Variants in THEMIS observed in about 807,000 individuals in gnomAD.
THEMIS encodes thymocyte selection associated.
THEMIS carries 37 observed loss-of-function variants against 52.6 expected under a neutral mutation model. The ratio of observed to expected loss-of-function variants is 0.70; its 90% CI spans 0.54 to 0.93. The LOEUF (loss-of-function observed/expected upper bound fraction) is 0.93. THEMIS is among the 40% of genes least tolerant of loss of function. The pLI, the probability that THEMIS is intolerant of heterozygous loss-of-function variation, is 0.00. For missense variants in THEMIS, 808 were observed against 763.1 expected, an observed-to-expected ratio of 1.06 and a Z score of -0.69; for synonymous variants, 292 against 272.7, an observed-to-expected ratio of 1.07 and a Z score of -0.70.
At position 127,740,207 on chromosome 6, in the gene THEMIS, G is replaced by A. The variant is rs559333123; in HGVS notation, c.1759-20384C>T. On this transcript the variant is annotated intron_variant, in intron 4 of 5. Transcript: ENST00000368248. ...TGCTTTGTAGGTCTTTTCTGGGCAG[G>A]TGGGAACAAAGGACATTTAAAATCA... 1.4e-4 allele frequency among the ~76,000 whole-genome samples: 21 copies of A among 152,172 alleles called. No homozygotes were observed. In the South Asian group the frequency reaches 4.4e-3, roughly 32 times the overall value.
chr6:127,731,533 T>A (rs908365012), intron 4 of THEMIS, among the ~76,000 whole-genome samples: 3 of 151,632 alleles, frequency 2.0e-5, no homozygotes, highest in African/African-American at 7.3e-5. Flanking sequence ...TGTATTAGCA[T>A]ATTGAAATCT....
At chr6:127,826,195 A>C (rs530199443) in intron 3 of THEMIS, among the ~76,000 whole-genome samples, 1 of 152,298 alleles carries the variant, frequency 6.6e-6, no homozygotes, top group African/African-American at 2.4e-5. Context: ...AGAAGAGCAG[A>C]ATATGAGGAA....
chr6:127,726,200 A>C (rs940875159), intron 4 of THEMIS, among the ~76,000 whole-genome samples: 1 of 152,144 alleles, frequency 6.6e-6, no homozygotes, highest in Non-Finnish European at 1.5e-5. Flanking sequence ...GTACCTCCAG[A>C]AAGTCAGACA....
At chr6:127,704,340 G>C (rs1459351177), downstream of THEMIS, among the ~76,000 whole-genome samples, 1 of 152,138 alleles carries the variant, frequency 6.6e-6, no homozygotes, top group Non-Finnish European at 1.5e-5. Flanking sequence ...GGTCAAGTCT[G>C]TGGTTACAGC....
Position 127,813,827 on chromosome 6 carries a change from C to T in THEMIS, c.814G>A (p.Asp272Asn), listed in dbSNP as rs757756359. 5 of 1,613,740 alleles carry T rather than the reference C, an allele frequency of 3.1e-6. No individual in the cohort carries two copies. In the East Asian group the frequency reaches 1.1e-4, roughly 36 times the overall value. Residue 272 changes from aspartate to asparagine, a missense_variant, in exon 4 of 6, where the codon GAT becomes AAT. Coordinates refer to ENST00000368248, the MANE Select transcript of THEMIS (RefSeq NM_001010923.3). ...NWFLQLLSTE[D>N]LFEMTSKEFP... ...TCTTTACTAGTCATTTCAAAAAGAT[C>T]TTCTGTTGATAACAGCTGAAGAAAC...
chr6:127,904,069 G>A (rs1178986984), upstream of THEMIS, among the ~76,000 whole-genome samples: 1 of 152,010 alleles, frequency 6.6e-6, no homozygotes, highest in Non-Finnish European at 1.5e-5. Context: ...AGTCTGAGAA[G>A]GCAAAAACTG....
intron 4 of THEMIS, among the ~76,000 whole-genome samples, chr6:127,727,404 A>C (rs1429620301): frequency 6.6e-6 from 1 of 152,176 alleles, no homozygotes; most frequent in Non-Finnish European, 1.5e-5. Context: ...TTAGTTTTGA[A>C]TTAGTGGACA....
At chr6:127,876,930 C>T (rs1347345837) in intron 1 of THEMIS, among the ~76,000 whole-genome samples, 1 of 152,042 alleles carries the variant, frequency 6.6e-6, no homozygotes, top group African/African-American at 2.4e-5. Flanking sequence ...TGGTTCTAGA[C>T]CACTGCAATA....
At chr6:127,893,334 T>C (rs1180275999) in intron 1 of THEMIS, among the ~76,000 whole-genome samples, 1 of 152,172 alleles carries the variant, frequency 6.6e-6, no homozygotes, top group Non-Finnish European at 1.5e-5. Flanking sequence ...ATAATAATAG[T>C]TATGATTTAC....
chr6:127,825,794 T>C (rs957369209), intron 3 of THEMIS, among the ~76,000 whole-genome samples: 4 of 151,888 alleles, frequency 2.6e-5, no homozygotes, highest in African/African-American at 9.7e-5. Context: ...GTTTGGGTTC[T>C]TTGAAAAATT....
At chr6:127,772,635 A>G (rs140438243) in intron 4 of THEMIS, among the ~76,000 whole-genome samples, 1 of 152,126 alleles carries the variant, frequency 6.6e-6, no homozygotes, top group South Asian at 2.1e-4. Context: ...AAGCACTCAC[A>G]TATCTTCTTG....
intron 4 of THEMIS, among the ~76,000 whole-genome samples, chr6:127,757,869 T>A (rs1035743069): frequency 2.6e-5 from 4 of 152,098 alleles, no homozygotes; most frequent in Admixed American, 2.6e-4. Context: ...AGGAATTACC[T>A]GGTAGAGAGC....
intron 4 of THEMIS, among the ~76,000 whole-genome samples, chr6:127,805,788 T>C (rs1026119883): frequency 3.3e-5 from 5 of 152,154 alleles, no homozygotes; most frequent in Admixed American, 3.3e-4. Context: ...GTAGCAAAAC[T>C]TATTTGCTCA....
intron 4 of THEMIS, among the ~76,000 whole-genome samples, chr6:127,770,503 C>A (rs572140437): frequency 1.6e-3 from 237 of 152,114 alleles, no homozygotes; most frequent in African/African-American, 5.3e-3. Context: ...TGTTTAAGTT[C>A]TTTGTAGATT....
rs572301229 is a variant in THEMIS, at chr6:127,773,055, C to T, written c.1758+39828G>A. Among the ~76,000 whole-genome samples, 94 of 152,238 alleles carry T rather than the reference C, an allele frequency of 6.2e-4. 1 individual carries two copies. The highest frequency in any genetic ancestry group is 2.0e-3 in the African/African-American group (85 of 41,556). On this transcript the variant is annotated intron_variant, in intron 4 of 5. Transcript: ENST00000368248. ...GCTGACTCAAACTAAGTACCTAAAG[C>T]ATCTAAGTAACTTTTTGCATGATTT...
intron 2 of THEMIS, among the ~76,000 whole-genome samples, chr6:127,844,187 T>C (rs955055848): frequency 1.3e-5 from 2 of 152,038 alleles, no homozygotes; most frequent in Non-Finnish European, 2.9e-5. Flanking sequence ...CCACTTGCTA[T>C]GTGATTTGGG....
intron 1 of THEMIS, among the ~76,000 whole-genome samples, chr6:127,866,738 A>C (rs1333767285): frequency 6.6e-6 from 1 of 151,874 alleles, no homozygotes; most frequent in African/African-American, 2.4e-5. Flanking sequence ...TATCCATTTC[A>C]GAGCACAAAA....
chr6:127,701,350 C>A, the THEMIS span, among the ~76,000 whole-genome samples: 1 of 152,008 alleles, frequency 6.6e-6, no homozygotes, highest in African/African-American at 2.4e-5. Context: ...AACATCCAAG[C>A]TGTTGCATTT....
At chr6:127,817,510 A>G (rs781281355) in intron 3 of THEMIS, among the ~76,000 whole-genome samples, 73 of 152,332 alleles carry the variant, frequency 4.8e-4, no homozygotes, top group South Asian at 1.2e-3. Context: ...GTATAAATAT[A>G]TGAGCAAAGT....
Sources: allele counts gnomAD v4.1 joint callset (sites outside exome capture counted in the v4.1 genomes callset), GRCh38; gene constraint gnomAD v4.1.1; transcripts MANE v1.5; gene names NCBI Gene and HGNC (gene_info 2026-07-23, HGNC 2026-07-21).